Variants in FUT8 observed in about 807,000 individuals in gnomAD.
FUT8 encodes the protein alpha-(1,6)-fucosyltransferase.
A neutral mutation model predicts 71.3 loss-of-function variants in FUT8; 29 were observed. The ratio of observed to expected loss-of-function variants is 0.41; its 90% CI spans 0.30 to 0.55. The LOEUF (loss-of-function observed/expected upper bound fraction) is 0.55. Among genes scored for constraint, FUT8 ranks in the 20% least tolerant of loss-of-function variants. The pLI, the probability that FUT8 is intolerant of heterozygous loss-of-function variation, is 0.34. For missense variants in FUT8, 544 were observed against 702.1 expected (o/e 0.77, Z 2.55); for synonymous variants, 254 against 239.3 (o/e 1.06, Z -0.57).
chr14:65,588,487 A>G (rs1448661699), intron 3 of FUT8, among the ~76,000 whole-genome samples: 1 of 152,224 alleles, frequency 6.6e-6, no homozygotes, highest in Non-Finnish European at 1.5e-5. Context: ...TCCACAAATT[A>G]TGAATCTGAC....
intron 2 of FUT8, among the ~76,000 whole-genome samples, chr14:65,498,821 A>G (rs1205693016): frequency 6.6e-6 from 1 of 152,210 alleles, no homozygotes; most frequent in Non-Finnish European, 1.5e-5. Context: ...GCAGATGGAA[A>G]CAGTAGACTT....
At chr14:65,484,348 C>T (rs919339843) in intron 2 of FUT8, among the ~76,000 whole-genome samples, 4 of 152,176 alleles carry the variant, frequency 2.6e-5, no homozygotes, top group African/African-American at 9.7e-5. Flanking sequence ...TCTATTCTCT[C>T]ACAATTAAGT....
chr14:65,519,606 T>C (rs1882948922), intron 2 of FUT8, among the ~76,000 whole-genome samples: 1 of 152,178 alleles, frequency 6.6e-6, no homozygotes, highest in Non-Finnish European at 1.5e-5. Context: ...GGATAAATTT[T>C]TTTAAACTTA....
intron 7 of FUT8, among the ~76,000 whole-genome samples, chr14:65,692,584 G>A (rs1269208930): frequency 2.7e-5 from 4 of 150,334 alleles, no homozygotes; most frequent in Admixed American, 1.3e-4. Flanking sequence ...CCTCCCGGAC[G>A]GGGCGGCTGG....
intron 1 of FUT8, among the ~76,000 whole-genome samples, chr14:65,454,545 G>A (rs527346453): frequency 3.0e-4 from 45 of 152,260 alleles, no homozygotes; most frequent in Non-Finnish European, 5.4e-4. Flanking sequence ...AGGAGTTTAA[G>A]TTGGTGATAT....
In FUT8 at chr14:65,607,445, G is replaced by T. The variant is rs1888644954; in HGVS notation, c.204-8533G>T. Among the ~76,000 whole-genome samples, 1 of 151,700 alleles carries T rather than the reference G, an allele frequency of 6.6e-6. No homozygotes were observed. The highest frequency in any genetic ancestry group is 1.5e-5 in the Non-Finnish European group (1 of 67,848). On this transcript the variant is annotated intron_variant, in intron 3 of 10. Coordinates refer to ENST00000673929, the MANE Select transcript of FUT8 (RefSeq NM_001371533.1). This position sits in a 1 kb window ranked among gnomAD's most constrained non-coding sequence, Gnocchi z 4.1. ...TCTAATGATTTTTTGTTTCCATTGA[G>T]ATTGTAATTTTATTTTGTTTTAATT... is the stretch of plus-strand genomic sequence containing the variant.
chr14:65,581,824 C>T (rs969527310), intron 3 of FUT8, among the ~76,000 whole-genome samples: 4 of 152,050 alleles, frequency 2.6e-5, no homozygotes, highest in African/African-American at 9.7e-5. Flanking sequence ...TCGAATGATG[C>T]CACTATTGCC....
chr14:65,442,669 T>C (rs2065679253), intron 1 of FUT8, among the ~76,000 whole-genome samples: 1 of 151,660 alleles, frequency 6.6e-6, no homozygotes, highest in Non-Finnish European at 1.5e-5. Context: ...ATTCTGTCTT[T>C]ACCAAAAATA....
chr14:65,597,441 G>A (rs1888043315), intron 3 of FUT8, among the ~76,000 whole-genome samples: 1 of 151,734 alleles, frequency 6.6e-6, no homozygotes, highest in African/African-American at 2.4e-5. Flanking sequence ...ATCCTGGCTA[G>A]TGAAACCCCG....
the FUT8 span, among the ~76,000 whole-genome samples, chr14:65,361,788 A>G: frequency 3.3e-5 from 5 of 150,372 alleles, no homozygotes; most frequent in African/African-American, 1.2e-4. Context: ...GTCTGTCTCA[A>G]AGAAAACAAA....
At chr14:65,411,859 T>G (rs1046962162), upstream of FUT8, 3 of 358,702 alleles carry the variant, frequency 8.4e-6, no homozygotes, top group African/African-American at 6.4e-5. Context: ...GCACCCCTCG[T>G]CCCGCGACTA....
chr14:65,643,288 A>G lies in FUT8; in HGVS notation c.597+13682A>G, dbSNP rs960401974. On this transcript the variant is annotated intron_variant, in intron 6 of 10. Coordinates refer to ENST00000673929, the MANE Select transcript of FUT8 (RefSeq NM_001371533.1). The surrounding 1 kb of genome is among the most constrained non-coding windows in gnomAD (Gnocchi z 4.5). The stretch of plus-strand genomic sequence containing the variant: ...TTATCAATAATAAAAGGCTTTCACA[A>G]CATCATTCCTTATTGAGGGTATAAA... Among the ~76,000 whole-genome samples the G allele has an allele frequency of 6.6e-6, 1 of 152,188 alleles. No individual in the cohort carries two copies. The highest frequency in any genetic ancestry group is 2.1e-4 in the South Asian group (1 of 4,830).
At chr14:65,502,632 G>T (rs368619859) in intron 2 of FUT8, among the ~76,000 whole-genome samples, 2 of 152,258 alleles carry the variant, frequency 1.3e-5, no homozygotes, top group East Asian at 3.9e-4. Context: ...TTTTTTAAAA[G>T]CCCTTATTTA....
At chr14:65,713,921 G>A (rs912614741) in intron 7 of FUT8, among the ~76,000 whole-genome samples, 1 of 152,156 alleles carries the variant, frequency 6.6e-6, no homozygotes, top group African/African-American at 2.4e-5. Flanking sequence ...TGTTTATGTG[G>A]TATTACTCAA....
rs563264798 is a variant in FUT8, at chr14:65,468,375, G to A, written c.-228+12657G>A. The A allele has an allele frequency of 1.5e-3, 750 of 494,596 alleles. 1 individual carries two copies. The highest frequency in any genetic ancestry group is 2.2e-3 in the Non-Finnish European group (589 of 268,614). 30.6% of individuals were successfully genotyped at this position (494,596 alleles called of 1,614,324 possible). ...CGAATTACTGGAAGATGGTGGTTCC[G>A]GCCGAAAGGTTGGATTTTTTTTTTT... is the stretch of plus-strand genomic sequence containing the variant. On this transcript the variant is annotated intron_variant, in intron 2 of 10. Coordinates refer to ENST00000673929, the MANE Select transcript of FUT8 (RefSeq NM_001371533.1).
the FUT8 span, among the ~76,000 whole-genome samples, chr14:65,367,941 T>A: frequency 1.3e-5 from 2 of 152,048 alleles, no homozygotes; most frequent in African/African-American, 2.4e-5. Flanking sequence ...GAAAAGAAAG[T>A]ATCTTTATAG....
At chr14:65,419,684 A>C (rs564606159) in intron 1 of FUT8, among the ~76,000 whole-genome samples, 1 of 152,318 alleles carries the variant, frequency 6.6e-6, no homozygotes, top group South Asian at 2.1e-4. Context: ...GCCAGGGTAA[A>C]CAATTTGCTT....
rs375213883 is a variant in FUT8, at chr14:65,637,972, G to A, written c.597+8366G>A. On this transcript the variant is annotated intron_variant, in intron 6 of 10. Coordinates refer to ENST00000673929, the MANE Select transcript of FUT8 (RefSeq NM_001371533.1). The stretch of plus-strand genomic sequence containing the variant: ...GAGTGCCTAAGCCAAACCCACAGGT[G>A]CTAAAACCACAAAGTTAATGTCATG... Among the ~76,000 whole-genome samples, 33 of 152,248 alleles carry A rather than the reference G, an allele frequency of 2.2e-4. 3 individuals carry two copies. Among genetic ancestry groups the A allele is most frequent in the African/African-American group, 5.1e-4 (21 of 41,524 alleles).
intron 1 of FUT8, among the ~76,000 whole-genome samples, chr14:65,422,646 C>A (rs541394990): frequency 6.6e-5 from 10 of 151,764 alleles, no homozygotes; most frequent in African/African-American, 2.4e-4. Context: ...TGCAAGTGTG[C>A]ACCACTATGC....
Sources: allele counts gnomAD v4.1 joint callset (sites outside exome capture counted in the v4.1 genomes callset), GRCh38; gene constraint gnomAD v4.1.1; non-coding constraint Gnocchi (gnomAD v3.1); transcripts MANE v1.5; gene names NCBI Gene and HGNC (gene_info 2026-07-23, HGNC 2026-07-21).